PLXNA2: variants seen among roughly 807,000 people sequenced by gnomAD.
The protein encoded by PLXNA2 is plexin-A2.
A neutral mutation model predicts 193.5 loss-of-function variants in PLXNA2; 91 were observed. That is an observed-to-expected ratio of 0.47 (90% CI 0.40 to 0.56). PLXNA2 has a LOEUF of 0.56. Among genes scored for constraint, PLXNA2 ranks in the 20% least tolerant of loss-of-function variants. The pLI is 0.00. For synonymous variants in PLXNA2, 997 were observed against 1,027.3 expected (o/e 0.97, Z 0.56); for missense variants, 1,995 against 2,503.2 (o/e 0.80, Z 4.33).
At chr1:208,127,864 C>A (rs555500305) in intron 4 of PLXNA2, among the ~76,000 whole-genome samples, 1 of 152,180 alleles carries the variant, frequency 6.6e-6, no homozygotes, top group African/African-American at 2.4e-5. Flanking sequence ...TCCCCCCTGG[C>A]GGGAGCAGCG....
At chr1:208,037,476 C>T (rs546211452) in intron 26 of PLXNA2, among the ~76,000 whole-genome samples, 193 of 152,330 alleles carry the variant, frequency 1.3e-3, no homozygotes, top group Non-Finnish European at 2.1e-3. Context: ...TCCTTCTTTC[C>T]GAGACAGGGA....
At chr1:208,043,657 G>A (rs891626155) in intron 20 of PLXNA2, among the ~76,000 whole-genome samples, 2 of 152,170 alleles carry the variant, frequency 1.3e-5, no homozygotes, top group Non-Finnish European at 2.9e-5. Flanking sequence ...GCTGAGAGCC[G>A]AGTTTGGGAA....
chr1:208,071,510 G>T (rs920800691), intron 12 of PLXNA2, among the ~76,000 whole-genome samples: 4 of 152,294 alleles, frequency 2.6e-5, no homozygotes, highest in African/African-American at 7.2e-5. Context: ...TCCACTTGAA[G>T]TGTATGTGTG....
At chr1:208,108,912 C>T (rs1357918917) in intron 4 of PLXNA2, among the ~76,000 whole-genome samples, 2 of 152,158 alleles carry the variant, frequency 1.3e-5, no homozygotes, top group African/African-American at 4.8e-5. Context: ...GATTTCTTTG[C>T]AATCATGCAA....
At chr1:208,232,227 C>T (rs1341342052) in intron 1 of PLXNA2, among the ~76,000 whole-genome samples, 2 of 152,230 alleles carry the variant, frequency 1.3e-5, no homozygotes, top group African/African-American at 2.4e-5. Context: ...GGAGAGACCA[C>T]TGTGCCAGTC....
rs554841144 is a variant in PLXNA2, at chr1:208,045,132, C to T, written c.3574G>A (p.Val1192Ile). The T allele has an allele frequency of 6.2e-7, 1 of 1,614,140 alleles. No homozygotes were observed. Among genetic ancestry groups the T allele is most frequent in the Non-Finnish European group, 8.5e-7 (1 of 1,180,016 alleles). The change falls in exon 19 of 32, where the codon GTC (valine) becomes ATC (isoleucine). Residue 1192 changes from valine to isoleucine, a missense_variant. Physicochemically the swap from Val to Ile is conservative, Grantham distance 29 (BLOSUM62 3). Transcript: ENST00000367033. ...TVLIGETPCA[V>I]TVSETQLLCE... ...AGAAGCTGGGTCTCAGATACGGTGACAGCACAAGGGGTCTCTCCGATGAGC... is the reference window on the plus strand; with the variant it reads ...AGAAGCTGGGTCTCAGATACGGTGATAGCACAAGGGGTCTCTCCGATGAGC...
chr1:208,059,188 C>T (rs1381931025), intron 13 of PLXNA2, among the ~76,000 whole-genome samples: 1 of 152,194 alleles, frequency 6.6e-6, no homozygotes, highest in Non-Finnish European at 1.5e-5. Context: ...AGATGGTCTG[C>T]CAGGAGGACC....
chr1:208,163,460 A>G (rs770498044), intron 3 of PLXNA2, among the ~76,000 whole-genome samples: 3 of 152,094 alleles, frequency 2.0e-5, no homozygotes, highest in Non-Finnish European at 4.4e-5. Flanking sequence ...AATGTGGGAA[A>G]TGAGAGAGAG....
Position 208,042,065 on chromosome 1 carries a change from G to A in PLXNA2, c.4286+33C>T, listed in dbSNP as rs181662688. On this transcript the variant is annotated intron_variant, in intron 22 of 31. Transcript: ENST00000367033. ...GTGCTCTGTCCAGGTTCAGACTCCT[G>A]CCACCCTCTCCACCCACTGCTGCGG... The A allele has an allele frequency of 9.6e-4, 1,547 of 1,604,504 alleles. 3 individuals are homozygous for A. The highest frequency in any genetic ancestry group is 2.4e-3 in the Admixed American group (145 of 59,442).
intron 3 of PLXNA2, among the ~76,000 whole-genome samples, chr1:208,192,669 T>C (rs1240007807): frequency 6.6e-6 from 1 of 151,870 alleles, no homozygotes; most frequent in African/African-American, 2.4e-5. Flanking sequence ...GGCAGATCAC[T>C]TAAGGTCAGG....
rs571632481 is a variant in PLXNA2, at chr1:208,096,243, A to G, written c.1886-118T>C. Reference sequence around the variant, plus strand: ...CACAGGGCTCTCTTAGGATGTAGATACTATGTGGAACCTGCCTGAATCGTC... The same window carrying G: ...CACAGGGCTCTCTTAGGATGTAGATGCTATGTGGAACCTGCCTGAATCGTC... On this transcript the variant is annotated intron_variant, in intron 7 of 31. Coordinates refer to ENST00000367033, the MANE Select transcript of PLXNA2 (RefSeq NM_025179.4). 1.8e-3 allele frequency: 1,369 copies of G among 753,934 alleles called. 33 individuals carry two copies. The South Asian group carries it at 0.021, about 12-fold the overall frequency. 46.7% of individuals were successfully genotyped at this position (753,934 alleles called of 1,614,324 possible). A position where few individuals can be genotyped will look rare whatever the true frequency, so the allele number is the denominator to read the frequency against.
At chr1:208,220,498 T>A (rs1047237437) in intron 1 of PLXNA2, among the ~76,000 whole-genome samples, 3 of 152,062 alleles carry the variant, frequency 2.0e-5, no homozygotes, top group African/African-American at 7.2e-5. Context: ...AGTGGTATGA[T>A]CTCAGCTCAT....
At chr1:208,090,351 G>A (rs1388586204) in intron 9 of PLXNA2, among the ~76,000 whole-genome samples, 1 of 152,186 alleles carries the variant, frequency 6.6e-6, no homozygotes, top group African/African-American at 2.4e-5. Context: ...CAAAAAGGAG[G>A]TGGGGAGTCT....
chr1:208,234,701 G>C (rs941027542), intron 1 of PLXNA2, among the ~76,000 whole-genome samples: 7 of 152,180 alleles, frequency 4.6e-5, no homozygotes, highest in Non-Finnish European at 1.0e-4. Context: ...AGGAGCTCTC[G>C]TGAGATGCCT....
chr1:208,195,201 G>A (rs529983462), intron 3 of PLXNA2, among the ~76,000 whole-genome samples: 1 of 152,230 alleles, frequency 6.6e-6, no homozygotes. Flanking sequence ...AGCAGCATGA[G>A]CTAGCAGGAG....
intron 12 of PLXNA2, among the ~76,000 whole-genome samples, chr1:208,065,498 GA>G (rs1665762526): frequency 6.6e-6 from 1 of 152,228 alleles, no homozygotes; most frequent in Non-Finnish European, 1.5e-5. Flanking sequence ...CTGGTTTAGA[GA>G]GTAGGTCTTG....
chr1:208,238,948 C>T (rs948740695), intron 1 of PLXNA2, among the ~76,000 whole-genome samples: 12 of 152,170 alleles, frequency 7.9e-5, no homozygotes, highest in African/African-American at 2.7e-4. Context: ...CCACCCAGCC[C>T]TAGACGTGAC....
chr1:208,200,925 C>T (rs1670532763), intron 3 of PLXNA2, among the ~76,000 whole-genome samples: 1 of 152,114 alleles, frequency 6.6e-6, no homozygotes, highest in Admixed American at 6.5e-5. Context: ...TCTTGATCAT[C>T]TGAAAATTAT....
intron 3 of PLXNA2, among the ~76,000 whole-genome samples, chr1:208,188,929 C>A (rs1176656969): frequency 6.6e-6 from 1 of 152,132 alleles, no homozygotes; most frequent in Admixed American, 6.5e-5. Context: ...TGTACTCCAG[C>A]CCCAGATGGG....
Sources: gnomAD v4.1 joint callset for allele counts (sites outside exome capture counted in the v4.1 genomes callset) on GRCh38, gnomAD v4.1.1 for gene constraint, MANE v1.5 for transcripts, NCBI Gene and HGNC (gene_info 2026-07-23, HGNC 2026-07-21) for gene names.